MYCBP2: variants seen among roughly 807,000 people sequenced by gnomAD.
MYCBP2 encodes the protein MYC binding protein 2, also known as E3 ubiquitin-protein ligase MYCBP2.
MYCBP2 carries 120 observed loss-of-function variants against 525.3 expected under a neutral mutation model. The ratio of observed to expected loss-of-function variants is 0.23; its 90% CI spans 0.20 to 0.27. MYCBP2 has a LOEUF of 0.27. MYCBP2 is among the 10% of genes least tolerant of loss of function. The pLI is 1.00. For synonymous variants in MYCBP2, 1,894 were observed against 1,955.8 expected (o/e 0.97, Z 0.83); for missense variants, 4,149 against 5,657.1 (o/e 0.73, Z 8.55).
intron 71 of MYCBP2, 138 bp downstream of exon 71, chr13:77,067,443 T>G (rs2040398399): frequency 2.4e-6 from 2 of 840,240 alleles, no homozygotes; most frequent in African/African-American, 3.4e-5. Flanking sequence ...TACATGACCT[T>G]TTTAGATATT....
At chr13:77,318,385 G>A (rs1199643213) in intron 1 of MYCBP2, among the ~76,000 whole-genome samples, 1 of 152,198 alleles carries the variant, frequency 6.6e-6, no homozygotes, top group East Asian at 1.9e-4. Flanking sequence ...AAGAATTCAT[G>A]TCCTAACAAA....
chr13:77,159,793 C>T (rs1189440300), intron 44 of MYCBP2, among the ~76,000 whole-genome samples: 4 of 152,108 alleles, frequency 2.6e-5, no homozygotes, highest in African/African-American at 4.8e-5. Flanking sequence ...TTATAAATTA[C>T]CCAGCCTCAG....
intron 62 of MYCBP2, 69 bp downstream of exon 62, chr13:77,087,415 T>G: frequency 7.9e-7 from 1 of 1,269,228 alleles, no homozygotes; most frequent in South Asian, 1.3e-5. Flanking sequence ...TGCAAATTAT[T>G]GGACTATTTG....
chr13:77,315,862 T>A (rs1347380556), intron 1 of MYCBP2, among the ~76,000 whole-genome samples: 4 of 134,236 alleles, frequency 3.0e-5, no homozygotes, highest in Non-Finnish European at 6.1e-5. Context: ...GCCACTGCAC[T>A]CCAGCCTGGG....
intron 5 of MYCBP2, among the ~76,000 whole-genome samples, chr13:77,271,771 CTT>C (rs1390714325): frequency 6.6e-6 from 1 of 152,178 alleles, no homozygotes; most frequent in Non-Finnish European, 1.5e-5. Flanking sequence ...CATTAAACCT[CTT>C]TCTTTTGTAA....
intron 26 of MYCBP2, among the ~76,000 whole-genome samples, chr13:77,195,616 A>T (rs2075923004): frequency 1.3e-5 from 2 of 151,920 alleles, no homozygotes; most frequent in Non-Finnish European, 2.9e-5. Flanking sequence ...CGAAATAATC[A>T]TTTTTCCATA....
At chr13:77,270,131 A>AT (rs1420752151) in intron 6 of MYCBP2, 68 bp from the exon 7 acceptor site, 4 of 1,487,058 alleles carry the variant, frequency 2.7e-6, no homozygotes, top group Non-Finnish European at 3.7e-6. Flanking sequence ...AATAATACAA[A>AT]TGGGTGAATG....
In MYCBP2 at chr13:77,089,256, A is replaced by G. The variant is rs1455004646; in HGVS notation, c.10526-225T>C. ...AAGTTGTAGAGGTGGGTTTTGAATCAGAGCTGAATCTAAAGTTCACCTTTT... is the reference window on the plus strand; with the variant it reads ...AAGTTGTAGAGGTGGGTTTTGAATCGGAGCTGAATCTAAAGTTCACCTTTT... On this transcript the variant is annotated intron_variant, in intron 60 of 82. Coordinates refer to ENST00000544440, the MANE Select transcript of MYCBP2 (RefSeq NM_015057.5). 2.6e-5 allele frequency among the ~76,000 whole-genome samples: 4 copies of G among 152,148 alleles called. No individual in the cohort carries two copies. The East Asian group carries it at 7.7e-4, about 29-fold the overall frequency.
intron 18 of MYCBP2, among the ~76,000 whole-genome samples, chr13:77,230,229 T>C (rs972837816): frequency 5.9e-5 from 9 of 152,174 alleles, no homozygotes; most frequent in African/African-American, 1.9e-4. Flanking sequence ...AAATCCACAG[T>C]TCTTACTCTC....
chr13:77,169,662 G>C lies in MYCBP2; in HGVS notation c.5847C>G (p.Leu1949=). Residue 1949 remains leucine, a synonymous_variant, in exon 39 of 83, where the codon CTC becomes CTG. Transcript: ENST00000544440. ...GTCCTATGTAGGCTATAATAAGGGG[G>C]AGCAGCATGGAAAACAGACTGGAAG... The part of the protein sequence containing the change: ...LSSSSLFSML[L]PLIIAYIGPV... 9 of 1,613,990 alleles carry C rather than the reference G, an allele frequency of 5.6e-6. No homozygotes were observed. The highest frequency in any genetic ancestry group is 7.6e-6 in the Non-Finnish European group (9 of 1,179,990).
chr13:77,249,662 T>C (rs2070766158), intron 15 of MYCBP2, among the ~76,000 whole-genome samples: 1 of 152,126 alleles, frequency 6.6e-6, no homozygotes, highest in Admixed American at 6.5e-5. Flanking sequence ...CCCAAAGTGC[T>C]GGGATTACAG....
At chr13:77,074,795 CA>C (rs1466426531) in intron 68 of MYCBP2, among the ~76,000 whole-genome samples, 1 of 152,114 alleles carries the variant, frequency 6.6e-6, no homozygotes, top group East Asian at 1.9e-4. Flanking sequence ...ATATGACATC[CA>C]GGAAAAGGCA....
chr13:77,047,500 G>A (rs1019147137), intron 82 of MYCBP2, among the ~76,000 whole-genome samples: 4 of 152,104 alleles, frequency 2.6e-5, no homozygotes, highest in African/African-American at 9.7e-5. Context: ...TTAATGAAAG[G>A]AGTTAGTTTG....
intron 14 of MYCBP2, among the ~76,000 whole-genome samples, chr13:77,254,179 T>A (rs2154331927): frequency 6.6e-6 from 1 of 152,052 alleles, no homozygotes; most frequent in South Asian, 2.1e-4. Flanking sequence ...AAAACAGTAG[T>A]ATATTTTATG....
chr13:77,045,939 T>G (rs981808010), intron 82 of MYCBP2, among the ~76,000 whole-genome samples: 2 of 152,202 alleles, frequency 1.3e-5, no homozygotes, highest in African/African-American at 4.8e-5. Context: ...AAAGAAGCCA[T>G]GTTTTCCCTT....
chr13:77,325,851 C>G (rs2082225637), intron 1 of MYCBP2, among the ~76,000 whole-genome samples: 1 of 152,160 alleles, frequency 6.6e-6, no homozygotes, highest in African/African-American at 2.4e-5. Flanking sequence ...CCTTTCGCAT[C>G]CACACAGATC....
At chr13:77,239,102 A>G (rs1162133186) in intron 17 of MYCBP2, among the ~76,000 whole-genome samples, 1 of 152,172 alleles carries the variant, frequency 6.6e-6, no homozygotes, top group African/African-American at 2.4e-5. Flanking sequence ...CCTGGGTAAC[A>G]GAGTGGGACT....
intron 55 of MYCBP2, among the ~76,000 whole-genome samples, chr13:77,115,977 G>A (rs1036806700): frequency 1.7e-4 from 26 of 151,534 alleles, no homozygotes; most frequent in Non-Finnish European, 2.5e-4. Context: ...ATTATTTACC[G>A]AGGTAAGGCT....
intron 52 of MYCBP2, among the ~76,000 whole-genome samples, chr13:77,127,728 T>C (rs2051939159): frequency 6.6e-6 from 1 of 151,900 alleles, no homozygotes; most frequent in African/African-American, 2.4e-5. Context: ...TACATGTTCA[T>C]ACACACAGTA....
Sources: allele counts gnomAD v4.1 joint callset (sites outside exome capture counted in the v4.1 genomes callset), GRCh38; gene constraint gnomAD v4.1.1; transcripts MANE v1.5; gene names NCBI Gene and HGNC (gene_info 2026-07-23, HGNC 2026-07-21).